DLGAP1: variants seen among roughly 807,000 people sequenced by gnomAD.
DLGAP1 encodes disks large-associated protein 1.
In DLGAP1, 11 loss-of-function variants were observed where a neutral mutation model predicts 90.8. The ratio of observed to expected loss-of-function variants is 0.12; its 90% CI spans 0.08 to 0.20. DLGAP1 has a LOEUF of 0.20. Among genes scored for constraint, DLGAP1 ranks in the 10% least tolerant of loss-of-function variants. The pLI is 1.00. For synonymous variants in DLGAP1, 558 were observed against 540.7 expected (o/e 1.03, Z -0.44); for missense variants, 1,050 against 1,333.8 (o/e 0.79, Z 3.31).
chr18:4,272,775 G>A (rs75269706), intron 1 of DLGAP1, among the ~76,000 whole-genome samples: 1,761 of 152,324 alleles, frequency 0.012, 28 homozygotes, highest in African/African-American at 0.039. Flanking sequence ...CTTGAAACCT[G>A]TGAATGTGAC....
chr18:3,509,973 C>T (rs928032724), intron 10 of DLGAP1, among the ~76,000 whole-genome samples: 1 of 152,198 alleles, frequency 6.6e-6, no homozygotes, highest in Non-Finnish European at 1.5e-5. Context: ...TGCCCCCTCC[C>T]TCCGTGATCT....
chr18:3,600,837 GATAT>G lies in DLGAP1; in HGVS notation c.1592-18593_1592-18590del, dbSNP rs1157418037. 8.5e-5 allele frequency among the ~76,000 whole-genome samples: 5 copies of G among 58,758 alleles called. 1 individual carries two copies. Among genetic ancestry groups the G allele is most frequent in the Non-Finnish European group, 9.1e-5 (3 of 32,888 alleles). The allele number at this position is 58,758 out of a possible 152,430, so 38.5% of individuals were successfully genotyped here. A position where few individuals can be genotyped will look rare whatever the true frequency, so the allele number is the denominator to read the frequency against. On this transcript the variant is annotated intron_variant, in intron 7 of 12. Transcript: ENST00000315677. ...ATATATAGATATATAGATATATATA[GATAT>G]ATATAGATATATAGATATATATAGA...
At chr18:3,937,796 G>T (rs538500322) in intron 3 of DLGAP1, among the ~76,000 whole-genome samples, 1 of 152,258 alleles carries the variant, frequency 6.6e-6, no homozygotes, top group Admixed American at 6.5e-5. Flanking sequence ...TCTAGAAGGG[G>T]GTGGACACAT....
At chr18:3,728,327 TAC>T (rs1193026721) in intron 7 of DLGAP1, among the ~76,000 whole-genome samples, 66 of 82,440 alleles carry the variant, frequency 8.0e-4, no homozygotes, top group African/African-American at 6.1e-3. Flanking sequence ...TATATATATA[TAC>T]ATGTTTCATA....
intron 2 of DLGAP1, among the ~76,000 whole-genome samples, chr18:4,038,710 G>C (rs1267053083): frequency 6.6e-6 from 1 of 152,026 alleles, no homozygotes; most frequent in Non-Finnish European, 1.5e-5. Context: ...TTTCCTCTTG[G>C]TAATTCATTT....
chr18:4,291,476 C>G (rs908766501), intron 1 of DLGAP1, among the ~76,000 whole-genome samples: 5 of 152,070 alleles, frequency 3.3e-5, no homozygotes, highest in African/African-American at 9.7e-5. Context: ...TTTCAAAATT[C>G]CAATTGTTAC....
chr18:3,927,035 ATT>A (rs1269612462), intron 3 of DLGAP1, among the ~76,000 whole-genome samples: 5 of 152,214 alleles, frequency 3.3e-5, no homozygotes, highest in Non-Finnish European at 5.9e-5. Flanking sequence ...ATGAATAATA[ATT>A]TAATAAAATA....
chr18:3,836,719 T>C (rs2068407332), intron 4 of DLGAP1, among the ~76,000 whole-genome samples: 1 of 152,348 alleles, frequency 6.6e-6, no homozygotes, highest in South Asian at 2.1e-4. Flanking sequence ...CACACATTTT[T>C]CCATCTCCCC....
intron 2 of DLGAP1, among the ~76,000 whole-genome samples, chr18:4,119,755 T>C (rs1025744577): frequency 3.3e-5 from 5 of 152,198 alleles, no homozygotes; most frequent in Non-Finnish European, 5.9e-5. Context: ...CCCACAAAGA[T>C]GTGGATCACT....
At chr18:4,276,915 CTTAAA>C (rs1218279176) in intron 1 of DLGAP1, among the ~76,000 whole-genome samples, 4 of 152,226 alleles carry the variant, frequency 2.6e-5, no homozygotes, top group Admixed American at 2.0e-4. Flanking sequence ...AAAAGTGTAT[CTTAAA>C]TTATTTGTTA....
At chr18:3,599,355 G>A (rs921168674) in intron 7 of DLGAP1, among the ~76,000 whole-genome samples, 1 of 152,232 alleles carries the variant, frequency 6.6e-6, no homozygotes, top group Non-Finnish European at 1.5e-5. Context: ...AAGGTCTGGG[G>A]AACGCCCCTT....
At chr18:3,737,906 G>C (rs1260342996) in intron 6 of DLGAP1, among the ~76,000 whole-genome samples, 1 of 150,170 alleles carries the variant, frequency 6.7e-6, no homozygotes, top group Non-Finnish European at 1.5e-5. Flanking sequence ...TCCTTAAGCT[G>C]ATAAGCAACT....
intron 9 of DLGAP1, among the ~76,000 whole-genome samples, chr18:3,562,539 CTTTTT>C (rs59612709): frequency 1.7e-5 from 2 of 118,154 alleles, no homozygotes; most frequent in Non-Finnish European, 1.7e-5. Flanking sequence ...TCTTCTCTCC[CTTTTT>C]TTTTTTTTTT....
rs150727309 is a variant in DLGAP1, at chr18:3,810,957, C to T, written c.1172+3102G>A. 2.2e-3 allele frequency among the ~76,000 whole-genome samples: 335 copies of T among 152,090 alleles called. 4 individuals are homozygous for T. The highest frequency in any genetic ancestry group is 7.7e-3 in the African/African-American group (318 of 41,478). ...AGTAGCTGGGACTACAGGTGCACGC[C>T]GCCACACCCAGCTAATTTTTGTAGT... On this transcript the variant is annotated intron_variant, in intron 5 of 12. Transcript: ENST00000315677.
rs539316103 is a variant in DLGAP1 at position 3,577,549 on chromosome 18, C to T, written c.1965+4326G>A. On this transcript the variant is annotated intron_variant, in intron 8 of 12. Transcript: ENST00000315677. ...TATCCAATGAAATTTGTTCAGAAGA[C>T]GCATGGTAGTTATTTCCCTGAAGAA... Among the ~76,000 whole-genome samples, 16 of 152,202 alleles carry T rather than the reference C, an allele frequency of 1.1e-4. 1 individual carries two copies. The South Asian group carries it at 2.1e-3, about 20-fold the overall frequency.
At chr18:3,988,048 A>G (rs941670098) in intron 3 of DLGAP1, among the ~76,000 whole-genome samples, 2 of 151,616 alleles carry the variant, frequency 1.3e-5, no homozygotes, top group Non-Finnish European at 2.9e-5. Flanking sequence ...TAATTGTACA[A>G]CTCACCATAA....
At chr18:4,026,356 G>C (rs1208185120) in intron 2 of DLGAP1, among the ~76,000 whole-genome samples, 1 of 152,154 alleles carries the variant, frequency 6.6e-6, no homozygotes, top group African/African-American at 2.4e-5. Flanking sequence ...AAGCAAGAAA[G>C]GGTTTTACAA....
chr18:3,965,486 T>C (rs1409744954), intron 3 of DLGAP1, among the ~76,000 whole-genome samples: 1 of 152,188 alleles, frequency 6.6e-6, no homozygotes, highest in Non-Finnish European at 1.5e-5. Flanking sequence ...TTGTCACTGA[T>C]TGGAACAACC....
chr18:4,428,230 C>T, intron 1 of DLGAP1, among the ~76,000 whole-genome samples: 1 of 152,086 alleles, frequency 6.6e-6, no homozygotes, highest in East Asian at 1.9e-4. Context: ...GGTTTACCAC[C>T]ACGCGCCTTG....
Sources: gnomAD v4.1 joint callset for allele counts (sites outside exome capture counted in the v4.1 genomes callset) on GRCh38, gnomAD v4.1.1 for gene constraint, MANE v1.5 for transcripts, NCBI Gene and HGNC (gene_info 2026-07-23, HGNC 2026-07-21) for gene names.